Variants in PSMA4 observed in about 807,000 individuals in gnomAD.
The protein encoded by PSMA4 is proteasome subunit alpha type-4.
PSMA4 carries 8 observed loss-of-function variants against 37.2 expected under a neutral mutation model. The ratio of observed to expected loss-of-function variants is 0.22; its 90% CI spans 0.13 to 0.39. PSMA4 has a LOEUF of 0.39. PSMA4 is among the 10% of genes least tolerant of loss of function. PSMA4 has a pLI of 1.00. For missense variants in PSMA4, 169 were observed against 305.1 expected (o/e 0.55, Z 3.32); for synonymous variants, 93 against 98.8 (o/e 0.94, Z 0.35).
intron 2 of PSMA4, 88 bp from the exon 3 acceptor site, chr15:78,542,089 G>A: frequency 2.0e-6 from 3 of 1,486,614 alleles, no homozygotes; most frequent in Non-Finnish European, 2.8e-6. Context: ...TTGTATACCA[G>A]GATAGGTTTT....
rs2052523831 is a variant in PSMA4 at position 78,544,863 on chromosome 15, T to G, written c.288-6T>G. The G allele has an allele frequency of 6.3e-7, 1 of 1,584,210 alleles. No individual in the cohort carries two copies. The highest frequency in any genetic ancestry group is 8.7e-7 in the Non-Finnish European group (1 of 1,154,766). ...AACTACTAATGTGCCCATCTCTTTA[T>G]CCTAGGTATTTATTACAGTATCAGG... On this transcript the variant is annotated splice_polypyrimidine_tract_variant and splice_region_variant and intron_variant, in intron 5 of 8. Coordinates refer to ENST00000044462, the MANE Select transcript of PSMA4 (RefSeq NM_002789.6).
rs2052623589 is a variant in PSMA4 at position 78,550,144 on chromosome 15, A to G, written c.*1200A>G. 6.6e-6 allele frequency: 1 copy of G among 152,262 alleles called. No individual in the cohort carries two copies. The highest frequency in any genetic ancestry group is 2.4e-5 in the African/African-American group (1 of 41,472). 9.4% of individuals were successfully genotyped at this position (152,262 alleles called of 1,614,324 possible). A position where few individuals can be genotyped will look rare whatever the true frequency, so the allele number is the denominator to read the frequency against. On this transcript the variant is annotated 3_prime_UTR_variant, in exon 9 of 9. Coordinates refer to ENST00000044462, the MANE Select transcript of PSMA4 (RefSeq NM_002789.6). ...TCTAAAGTCACCACAAAAACTAACA[A>G]AATACTGAACTCTTGCACCTAGAGA...
Position 78,548,998 on chromosome 15 carries a change from T to G in PSMA4, c.*54T>G. ...CACCATTTCAGTGTAAAAGCAGTCC[T>G]ACTCTTCCACACTAGGAAGGCTTTA... is the stretch of plus-strand genomic sequence containing the variant. On this transcript the variant is annotated 3_prime_UTR_variant, in exon 9 of 9. Transcript: ENST00000044462. 6.4e-7 allele frequency: 1 copy of G among 1,551,870 alleles called. No homozygotes were observed. The highest frequency in any genetic ancestry group is 8.7e-7 in the Non-Finnish European group (1 of 1,153,986).
chr15:78,541,741 T>C lies in PSMA4; in HGVS notation c.-23-164T>C, dbSNP rs138457104. 746 of 629,804 alleles carry C rather than the reference T, an allele frequency of 1.2e-3. 5 individuals carry two copies. The highest frequency in any genetic ancestry group is 5.9e-3 in the African/African-American group (314 of 52,800). The allele number at this position is 629,804 out of a possible 1,614,324, so 39.0% of individuals were successfully genotyped here. On this transcript the variant is annotated intron_variant, in intron 1 of 8. Transcript: ENST00000044462. Reference sequence around the variant, plus strand: ...CTCACCTAACTGCCAGTATTAGCTTTTCAGGACAGGAACTGGTTTTACACA... The same window carrying C: ...CTCACCTAACTGCCAGTATTAGCTTCTCAGGACAGGAACTGGTTTTACACA...
chr15:78,542,693 C>T (rs761366735), intron 4 of PSMA4, 48 bp downstream of exon 4: 2 of 1,513,474 alleles, frequency 1.3e-6, no homozygotes, highest in Non-Finnish European at 1.8e-6. Flanking sequence ...CACTTTCTCA[C>T]ATAAGTGGGA....
At chr15:78,548,391 A>G (rs1342188812) in intron 8 of PSMA4, among the ~76,000 whole-genome samples, 2 of 151,856 alleles carry the variant, frequency 1.3e-5, no homozygotes, top group East Asian at 3.9e-4. Context: ...CATGCCTTTT[A>G]TTTATTTATT....
chr15:78,542,295 CT>C (rs1567033613), intron 3 of PSMA4, 76 bp downstream of exon 3: 4 of 1,485,960 alleles, frequency 2.7e-6, no homozygotes, highest in Non-Finnish European at 3.7e-6. Flanking sequence ...AAATTACAAA[CT>C]TTTTTTGGTA....
intron 8 of PSMA4, among the ~76,000 whole-genome samples, chr15:78,547,279 G>A (rs561431617): frequency 2.6e-5 from 4 of 152,308 alleles, no homozygotes; most frequent in East Asian, 3.9e-4. Context: ...ATTACTCACA[G>A]ATAGACATCC....
At chr15:78,544,084 G>A (rs2052504669) in intron 4 of PSMA4, 106 bp from the exon 5 acceptor site, 1 of 784,012 alleles carries the variant, frequency 1.3e-6, no homozygotes, top group Non-Finnish European at 2.0e-6. Context: ...CTGTTGTGAA[G>A]CAAACATAGT....
intron 4 of PSMA4, among the ~76,000 whole-genome samples, chr15:78,543,631 C>T (rs1029248365): frequency 3.4e-5 from 5 of 149,084 alleles, no homozygotes; most frequent in East Asian, 3.9e-4. Context: ...TACGGTGACG[C>T]CATCTTGGCT....
intron 8 of PSMA4, among the ~76,000 whole-genome samples, chr15:78,547,253 G>A (rs1474984123): frequency 6.6e-6 from 1 of 152,218 alleles, no homozygotes; most frequent in African/African-American, 2.4e-5. Context: ...TTAAAGGCTT[G>A]ATACTGAACA....
chr15:78,545,482 A>G, intron 6 of PSMA4, 152 bp from the exon 7 acceptor site: 1 of 857,846 alleles, frequency 1.2e-6, no homozygotes, highest in Non-Finnish European at 1.8e-6. Flanking sequence ...TCGAATTTGT[A>G]ATGGAGCTTA....
intron 5 of PSMA4, 53 bp downstream of exon 5, chr15:78,544,320 T>C (rs2052511201): frequency 1.4e-5 from 4 of 292,356 alleles, no homozygotes; most frequent in Non-Finnish European, 2.2e-5. Flanking sequence ...TTGATGTTTC[T>C]TTTTTTTTTT....
intron 1 of PSMA4, chr15:78,540,947 C>G (rs1276044032): frequency 6.6e-6 from 1 of 152,338 alleles, no homozygotes; most frequent in African/African-American, 2.4e-5. Flanking sequence ...ATCAGAAATC[C>G]CCGGCGAGTG....
At position 78,544,594 on chromosome 15, in the gene PSMA4, T is replaced by A. The variant is rs539549490; in HGVS notation, c.288-275T>A. 1.3e-5 allele frequency: 6 copies of A among 450,168 alleles called. No homozygotes were observed. In the Admixed American group the frequency reaches 2.0e-4, roughly 15 times the overall value. 27.9% of individuals were successfully genotyped at this position (450,168 alleles called of 1,614,324 possible). On this transcript the variant is annotated intron_variant, in intron 5 of 8. Coordinates refer to ENST00000044462, the MANE Select transcript of PSMA4 (RefSeq NM_002789.6). ...GATTACAGGCATTAGCCACTGCACC[T>A]GGCCTAGTTTTGATGTTTCTAAGGA...
Position 78,542,509 on chromosome 15 carries a change from A to G in PSMA4, c.73A>G (p.Met25Val), listed in dbSNP as rs1367593457. The G allele has an allele frequency of 1.2e-6, 2 of 1,613,778 alleles. No individual in the cohort carries two copies. The highest frequency in any genetic ancestry group is 2.2e-5 in the East Asian group (1 of 44,896). ...EGRLYQVEYA[M>V]EAIGHAGTCL... ...TCGCTTATACCAAGTTGAATATGCC[A>G]TGGAAGCTATTGGACATGCAGGCAC... The change falls in exon 4 of 9, where the codon ATG (methionine) becomes GTG (valine). Residue 25 changes from methionine to valine, a missense_variant. Around this residue, in one of 2 missense-constraint regions of PSMA4, gnomAD observed 79 missense variants for 212.4 expected, o/e 0.37. Transcript: ENST00000044462.
At chr15:78,547,525 A>C (rs914323752) in intron 8 of PSMA4, among the ~76,000 whole-genome samples, 2 of 152,196 alleles carry the variant, frequency 1.3e-5, no homozygotes, top group Non-Finnish European at 2.9e-5. Flanking sequence ...GTTCAACTTA[A>C]GCTATATGAC....
rs149336836 is a variant in PSMA4, at chr15:78,542,584, C to T, written c.148C>T (p.Arg50Cys). The T allele has an allele frequency of 4.3e-6, 7 of 1,613,964 alleles. No homozygotes were observed. Among genetic ancestry groups the T allele is most frequent in the East Asian group, 4.5e-5 (2 of 44,888 alleles). ...TGGTGTTTTGCTTGCAGCAGAGAGA[C>T]GCAACATCCACAAGCTTCTTGATGA... Reference protein sequence around the residue: ...NDGVLLAAERRNIHKLLDEVF... With the variant: ...NDGVLLAAERCNIHKLLDEVF... Residue 50 changes from arginine (R) to cysteine (C), a missense_variant, in exon 4 of 9, where the codon CGC becomes TGC. This residue lies in a region of PSMA4 where 79 missense variants were observed against 212.4 expected (regional missense o/e 0.37). Transcript: ENST00000044462.
intron 1 of PSMA4, chr15:78,541,660 C>T (rs1026323750): frequency 6.2e-6 from 3 of 481,152 alleles, no homozygotes; most frequent in African/African-American, 4.1e-5. Context: ...TTCATCATCC[C>T]TTTTCCCACC....
Sources: gnomAD v4.1 joint callset for allele counts (sites outside exome capture counted in the v4.1 genomes callset) on GRCh38, gnomAD v4.1.1 for gene constraint, gnomAD v4.1.1 regional missense constraint, MANE v1.5 for transcripts, NCBI Gene and HGNC (gene_info 2026-07-23, HGNC 2026-07-21) for gene names.